Variants in DYNC1I2 observed in about 807,000 individuals in gnomAD.
DYNC1I2 encodes dynein cytoplasmic 1 intermediate chain 2.
DYNC1I2 carries 53 observed loss-of-function variants against 88.6 expected under a neutral mutation model. The ratio of observed to expected loss-of-function variants is 0.60; its 90% CI spans 0.48 to 0.75. The LOEUF is 0.75. DYNC1I2 is among the 30% of genes least tolerant of loss of function. The probability of loss-of-function intolerance (pLI) is 0.00; values close to 1 mark genes in which losing one functional copy is unlikely to be tolerated. For missense variants in DYNC1I2, 458 were observed against 766.6 expected (o/e 0.60, Z 4.75); for synonymous variants, 198 against 254.6 (o/e 0.78, Z 2.12).
chr2:171,690,732 C>T (rs952064289), intron 2 of DYNC1I2, among the ~76,000 whole-genome samples: 2 of 150,316 alleles, frequency 1.3e-5, no homozygotes, highest in African/African-American at 2.5e-5. Flanking sequence ...CAACTCACTG[C>T]AGCCTCAACC....
chr2:171,747,009 C>G (rs2105794823), intron 17 of DYNC1I2, among the ~76,000 whole-genome samples: 1 of 151,850 alleles, frequency 6.6e-6, no homozygotes, highest in East Asian at 1.9e-4. Context: ...GCCTGGCCAA[C>G]ATGGCAAAAC....
At chr2:171,735,734 G>GCTT (rs1276559562) in intron 15 of DYNC1I2, among the ~76,000 whole-genome samples, 1 of 152,204 alleles carries the variant, frequency 6.6e-6, no homozygotes, top group African/African-American at 2.4e-5. Context: ...AGGAGTGAAA[G>GCTT]CTTCTGCAGG....
rs540688454 is a variant in DYNC1I2, at chr2:171,740,541, A to AT, written c.1537-3502dup. Reference sequence around the variant, plus strand: ...TTTAAAAAATGTGGGTGATCAAATGATTTTTTCCCTTTTCTTTAGAGGGTC... The same window carrying AT: ...TTTAAAAAATGTGGGTGATCAAATGATTTTTTTCCCTTTTCTTTAGAGGGTC... On this transcript the variant is annotated intron_variant, in intron 15 of 17. Coordinates refer to ENST00000397119, the MANE Select transcript of DYNC1I2 (RefSeq NM_001378.3). 6.2e-4 allele frequency among the ~76,000 whole-genome samples: 94 copies of AT among 152,134 alleles called. 2 individuals are homozygous for AT. The highest frequency in any genetic ancestry group is 2.1e-3 in the East Asian group (11 of 5,178).
chr2:171,746,347 C>A (rs16859811), intron 17 of DYNC1I2, among the ~76,000 whole-genome samples: 2,491 of 152,288 alleles, frequency 0.016, 56 homozygotes, highest in African/African-American at 0.052. Flanking sequence ...TGACTTTATG[C>A]AATGTGCATC....
intron 3 of DYNC1I2, among the ~76,000 whole-genome samples, chr2:171,693,252 G>A (rs1416653644): frequency 6.6e-6 from 1 of 152,174 alleles, no homozygotes; most frequent in Non-Finnish European, 1.5e-5. Flanking sequence ...CTGGAGATTA[G>A]CGAGAGATAC....
rs1024659901 is a variant in DYNC1I2 at position 171,748,819 on chromosome 2, C to G, written c.*930C>G. Among the ~76,000 whole-genome samples the G allele has an allele frequency of 2.6e-5, 4 of 152,114 alleles. No homozygotes were observed. The highest frequency in any genetic ancestry group is 6.6e-5 in the Admixed American group (1 of 15,266). On this transcript the variant is annotated 3_prime_UTR_variant, in exon 18 of 18. Transcript: ENST00000397119. ...ATAAAGGCAAAGTGCTCAAATGGAC[C>G]CATACTTTGGCATTAAAATCTACAT...
chr2:171,739,948 C>T (rs905795021), intron 15 of DYNC1I2, among the ~76,000 whole-genome samples: 7 of 152,012 alleles, frequency 4.6e-5, no homozygotes, highest in African/African-American at 7.2e-5. Flanking sequence ...TCAAGTGATC[C>T]GCCTGCCTCA....
At chr2:171,709,405 G>C (rs999993404) in intron 5 of DYNC1I2, among the ~76,000 whole-genome samples, 1 of 152,088 alleles carries the variant, frequency 6.6e-6, no homozygotes, top group Non-Finnish European at 1.5e-5. Context: ...CAAATATTAA[G>C]TTACCAACTT....
chr2:171,711,718 C>G (rs1411672480), intron 5 of DYNC1I2, among the ~76,000 whole-genome samples: 1 of 152,092 alleles, frequency 6.6e-6, no homozygotes, highest in Non-Finnish European at 1.5e-5. Context: ...TAGATTAATT[C>G]ATTACTATTT....
intron 2 of DYNC1I2, among the ~76,000 whole-genome samples, chr2:171,692,245 G>A (rs1685451520): frequency 6.6e-6 from 1 of 152,110 alleles, no homozygotes; most frequent in African/African-American, 2.4e-5. Context: ...AAAATGTTTT[G>A]TGCTATGCAA....
At chr2:171,744,983 A>G (rs1689686678) in intron 16 of DYNC1I2, among the ~76,000 whole-genome samples, 1 of 152,148 alleles carries the variant, frequency 6.6e-6, no homozygotes, top group African/African-American at 2.4e-5. Context: ...TTAGTCTTAG[A>G]GATTTGAAGT....
chr2:171,706,565 GT>G lies in DYNC1I2; in HGVS notation c.244+2del. On this transcript the variant is annotated splice_donor_variant, in intron 4 of 17. Coordinates refer to ENST00000397119, the MANE Select transcript of DYNC1I2 (RefSeq NM_001378.3). LOFTEE classifies it high-confidence loss of function. ...ACTTCAGTTTTTTCTGAATACTGGG[GT>G]AAGGAAGTTCCCATAAGTCTTGCCT... is the stretch of plus-strand genomic sequence containing the variant. 1 of 1,611,946 alleles carries G rather than the reference GT, an allele frequency of 6.2e-7. No homozygotes were observed. Among genetic ancestry groups the G allele is most frequent in the South Asian group, 1.1e-5 (1 of 90,926 alleles).
At chr2:171,738,453 G>GTA (rs1255168305) in intron 15 of DYNC1I2, among the ~76,000 whole-genome samples, 1 of 152,182 alleles carries the variant, frequency 6.6e-6, no homozygotes, top group Non-Finnish European at 1.5e-5. Context: ...TCTCTCTGCT[G>GTA]TATACTATTC....
At position 171,744,164 on chromosome 2, in the gene DYNC1I2, T is replaced by C; in HGVS notation, c.1652T>C (p.Leu551Ser). ...GTGGATGGCATGGGGAGATTGGATTTGTGGAATCTCAATAATGACACAGAG... is the reference window on the plus strand; with the variant it reads ...GTGGATGGCATGGGGAGATTGGATTCGTGGAATCTCAATAATGACACAGAG... ...ACVDGMGRLD[L>S]WNLNNDTEVP... The change falls in exon 16 of 18, where the codon TTG (leucine) becomes TCG (serine). Residue 551 changes from leucine (L) to serine (S), a missense_variant. Coordinates refer to ENST00000397119, the MANE Select transcript of DYNC1I2 (RefSeq NM_001378.3). 6.2e-7 allele frequency: 1 copy of C among 1,610,618 alleles called. No homozygotes were observed. Among genetic ancestry groups the C allele is most frequent in the Non-Finnish European group, 8.5e-7 (1 of 1,178,816 alleles).
At chr2:171,705,561 A>G (rs1686616076) in intron 3 of DYNC1I2, among the ~76,000 whole-genome samples, 1 of 152,122 alleles carries the variant, frequency 6.6e-6, no homozygotes, top group Non-Finnish European at 1.5e-5. Context: ...ATTTGTGTTT[A>G]CAGCACAGTA....
intron 5 of DYNC1I2, among the ~76,000 whole-genome samples, chr2:171,710,006 C>T (rs927958006): frequency 6.6e-6 from 1 of 152,094 alleles, no homozygotes; most frequent in Non-Finnish European, 1.5e-5. Context: ...CTTGAGCCAC[C>T]GCACCCAGCC....
Position 171,706,572 on chromosome 2 carries a change from A to G in DYNC1I2, c.244+8A>G. The G allele has an allele frequency of 3.1e-6, 5 of 1,611,306 alleles. No individual in the cohort carries two copies. Among genetic ancestry groups the G allele is most frequent in the South Asian group, 1.1e-5 (1 of 90,872 alleles). On this transcript the variant is annotated splice_region_variant and intron_variant, in intron 4 of 17. Transcript: ENST00000397119. ...TTTTTTCTGAATACTGGGGTAAGGAAGTTCCCATAAGTCTTGCCTTGTTTA... is the reference window on the plus strand; with the variant it reads ...TTTTTTCTGAATACTGGGGTAAGGAGGTTCCCATAAGTCTTGCCTTGTTTA...
intron 3 of DYNC1I2, among the ~76,000 whole-genome samples, chr2:171,696,314 G>A (rs1685763235): frequency 6.6e-6 from 1 of 152,092 alleles, no homozygotes; most frequent in Non-Finnish European, 1.5e-5. Flanking sequence ...GCACCAACAT[G>A]ACACTCAAAA....
intron 7 of DYNC1I2, among the ~76,000 whole-genome samples, chr2:171,720,378 T>C (rs1165949638): frequency 1.3e-5 from 2 of 152,220 alleles, no homozygotes; most frequent in Admixed American, 6.5e-5. Flanking sequence ...TTGTAATCAC[T>C]TATTGCATGA....
Sources: gnomAD v4.1 joint callset for allele counts (sites outside exome capture counted in the v4.1 genomes callset) on GRCh38, gnomAD v4.1.1 for gene constraint, MANE v1.5 for transcripts, NCBI Gene and HGNC (gene_info 2026-07-23, HGNC 2026-07-21) for gene names.